PKHD1: variants seen among roughly 807,000 people sequenced by gnomAD.
PKHD1 encodes PKHD1 ciliary IPT domain containing fibrocystin/polyductin.
Under a neutral mutation model 412.0 loss-of-function variants are expected in PKHD1, and 291 were observed. The ratio of observed to expected loss-of-function variants is 0.71; its 90% CI spans 0.64 to 0.78. The LOEUF is 0.78. Among genes scored for constraint, PKHD1 ranks in the 30% least tolerant of loss-of-function variants. The pLI is 0.00. For missense variants in PKHD1, 4,825 were observed against 4,950.7 expected (o/e 0.97, Z 0.76); for synonymous variants, 1,777 against 1,821.5 (o/e 0.98, Z 0.62).
intron 34 of PKHD1, among the ~76,000 whole-genome samples, chr6:52,013,861 G>T (rs1800112205): frequency 1.3e-5 from 2 of 152,102 alleles, no homozygotes; most frequent in African/African-American, 2.4e-5. Flanking sequence ...CAATTTGCAG[G>T]CATTTTCTCT....
At chr6:51,742,908 G>A (rs1784737866) in intron 60 of PKHD1, among the ~76,000 whole-genome samples, 7 of 152,134 alleles carry the variant, frequency 4.6e-5, no homozygotes, top group Admixed American at 4.6e-4. Context: ...TATTTGAACA[G>A]CGGGAACTAG....
chr6:51,962,771 G>T (rs921700112), intron 35 of PKHD1, among the ~76,000 whole-genome samples: 1 of 151,892 alleles, frequency 6.6e-6, no homozygotes, highest in African/African-American at 2.4e-5. Context: ...CTCTGCTCAG[G>T]TATCACCTCC....
chr6:51,691,698 C>A (rs113678213), intron 60 of PKHD1, among the ~76,000 whole-genome samples: 27 of 152,062 alleles, frequency 1.8e-4, no homozygotes, highest in African/African-American at 5.8e-4. Context: ...GAAAAATAAC[C>A]AATGAGTACT....
chr6:52,081,347 A>G (rs926473121), intron 4 of PKHD1, among the ~76,000 whole-genome samples: 5 of 152,214 alleles, frequency 3.3e-5, no homozygotes, highest in African/African-American at 1.2e-4. Context: ...GTTAAATTCA[A>G]CAGACATTTA....
intron 55 of PKHD1, among the ~76,000 whole-genome samples, chr6:51,764,720 G>A (rs1426603006): frequency 6.6e-6 from 1 of 152,068 alleles, no homozygotes; most frequent in African/African-American, 2.4e-5. Flanking sequence ...AATGTATGTG[G>A]CCCTGACACT....
At chr6:51,791,399 G>A in intron 52 of PKHD1, 26 bp from the exon 53 acceptor site, 1 of 1,610,068 alleles carries the variant, frequency 6.2e-7, no homozygotes, top group Non-Finnish European at 8.5e-7. Flanking sequence ...AAATTGCTCA[G>A]ATATGTCACA....
intron 35 of PKHD1, among the ~76,000 whole-genome samples, chr6:51,981,325 C>G (rs1419537397): frequency 1.8e-4 from 4 of 21,806 alleles, no homozygotes; most frequent in African/African-American, 3.7e-4. Context: ...CCCTCTCCCT[C>G]TCCCTCTCCC....
chr6:51,885,145 G>A (rs115858808), intron 45 of PKHD1, among the ~76,000 whole-genome samples: 90 of 152,260 alleles, frequency 5.9e-4, no homozygotes, highest in African/African-American at 2.1e-3. Flanking sequence ...CAAAGTGTAT[G>A]TAATTTTGTC....
chr6:52,036,532 C>A (rs954257588), intron 27 of PKHD1, among the ~76,000 whole-genome samples: 2 of 152,172 alleles, frequency 1.3e-5, no homozygotes, highest in African/African-American at 4.8e-5. Context: ...ACAGCCTTAC[C>A]CCCCCTTGAG....
intron 43 of PKHD1, 32 bp downstream of exon 43, chr6:51,903,565 T>G (rs759905391): frequency 1.8e-5 from 29 of 1,600,920 alleles, no homozygotes; most frequent in Non-Finnish European, 2.5e-5. Flanking sequence ...CCCTCTCAGT[T>G]CTGGTCTTCC....
chr6:51,741,601 T>C (rs1440376813), intron 60 of PKHD1, among the ~76,000 whole-genome samples: 1 of 152,152 alleles, frequency 6.6e-6, no homozygotes, highest in African/African-American at 2.4e-5. Context: ...CTGGGATAAT[T>C]TGGGGTGCTG....
At chr6:51,989,090 C>T (rs1796557718) in intron 35 of PKHD1, among the ~76,000 whole-genome samples, 1 of 152,196 alleles carries the variant, frequency 6.6e-6, no homozygotes, top group African/African-American at 2.4e-5. Context: ...CGATCCTTCT[C>T]AAAGGTGAGT....
At chr6:52,010,804 GGA>G (rs1799709662) in intron 34 of PKHD1, among the ~76,000 whole-genome samples, 1 of 152,134 alleles carries the variant, frequency 6.6e-6, no homozygotes, top group Non-Finnish European at 1.5e-5. Context: ...CAAACGTCTG[GGA>G]GAGTTTTTGT....
At chr6:51,743,971 C>T (rs1303712187) in intron 60 of PKHD1, among the ~76,000 whole-genome samples, 1 of 152,164 alleles carries the variant, frequency 6.6e-6, no homozygotes, top group East Asian at 1.9e-4. Context: ...ATCTACCCTA[C>T]CATTGAGAGA....
chr6:51,750,254 C>A (rs1485153796), intron 57 of PKHD1, among the ~76,000 whole-genome samples: 1 of 152,108 alleles, frequency 6.6e-6, no homozygotes. Context: ...TGGACATATT[C>A]ACAGAACAAT....
rs1811837430 is a variant in PKHD1, at chr6:52,080,137, A to C, written c.282-129T>G. 6 of 699,850 alleles carry C rather than the reference A, an allele frequency of 8.6e-6. No individual in the cohort carries two copies. The South Asian group carries it at 8.9e-5, about 10-fold the overall frequency. 43.4% of individuals were successfully genotyped at this position (699,850 alleles called of 1,614,324 possible). The stretch of plus-strand genomic sequence containing the variant: ...AGCTAACCAAGGATTCCCAGCAGTC[A>C]CCTTTCACCTCTTTGATCCACTCAT... On this transcript the variant is annotated intron_variant, in intron 4 of 66. Coordinates refer to ENST00000371117, the MANE Select transcript of PKHD1 (RefSeq NM_138694.4).
chr6:52,025,940 G>A lies in PKHD1; in HGVS notation c.3870C>T (p.Gly1290=). 6.2e-7 allele frequency: 1 copy of A among 1,614,132 alleles called. No individual in the cohort carries two copies. Residue 1290 remains glycine (G), a synonymous_variant, in exon 32 of 67, where the codon GGC becomes GGT. Coordinates refer to ENST00000371117, the MANE Select transcript of PKHD1 (RefSeq NM_138694.4). ...CTGCCGCTTCATACATGAAGGTGAA[G>A]CCTTTCCCCACCAAGCTTGGTGAAG... ...RGPSPSLVGK[G]FTFMYEAAAT... is the part of the protein sequence containing the mutation.
At chr6:52,027,965 G>A in intron 30 of PKHD1, 69 bp from the exon 31 acceptor site, 1 of 1,302,310 alleles carries the variant, frequency 7.7e-7, no homozygotes. Context: ...AGCCAGAAGA[G>A]CCATATGTAT....
intron 52 of PKHD1, 45 bp downstream of exon 52, chr6:51,830,816 G>A: frequency 6.4e-7 from 1 of 1,573,954 alleles, no homozygotes; most frequent in South Asian, 1.1e-5. Flanking sequence ...AGATCTGGCT[G>A]GGTTCAGCCT....
Sources: allele counts gnomAD v4.1 joint callset (sites outside exome capture counted in the v4.1 genomes callset), GRCh38; gene constraint gnomAD v4.1.1; transcripts MANE v1.5; gene names NCBI Gene and HGNC (gene_info 2026-07-23, HGNC 2026-07-21).